Variants in PIEZO2 observed in about 807,000 individuals in gnomAD.
PIEZO2 encodes piezo-type mechanosensitive ion channel component 2.
In PIEZO2, 172 loss-of-function variants were observed where a neutral mutation model predicts 337.3. That is an observed-to-expected ratio of 0.51 (90% CI 0.45 to 0.58). PIEZO2 has a LOEUF of 0.58. Among genes scored for constraint, PIEZO2 ranks in the 20% least tolerant of loss-of-function variants. The pLI is 0.00. For synonymous variants in PIEZO2, 1,251 were observed against 1,228.5 expected, an observed-to-expected ratio of 1.02 and a Z score of -0.38; for missense variants, 3,028 against 3,391.3, an observed-to-expected ratio of 0.89 and a Z score of 2.66.
intron 2 of PIEZO2, among the ~76,000 whole-genome samples, chr18:11,030,081 T>C (rs2036676635): frequency 6.6e-6 from 1 of 152,214 alleles, no homozygotes; most frequent in Non-Finnish European, 1.5e-5. Context: ...TTAATGCTTC[T>C]CATACTATGA....
intron 2 of PIEZO2, among the ~76,000 whole-genome samples, chr18:11,049,849 A>G (rs911457993): frequency 1.2e-4 from 18 of 152,258 alleles, no homozygotes; most frequent in African/African-American, 4.3e-4. Context: ...TTTATAAATT[A>G]CCCAGTTTCA....
In PIEZO2 at chr18:11,016,993, G is replaced by A. The variant is rs2036138127; in HGVS notation, c.161-37333C>T. The stretch of plus-strand genomic sequence containing the variant: ...GCACAGGATTGAAGGGTCAGGGTTA[G>A]AAACAGTCTCAGGTGGAAGAACCAG... On this transcript the variant is annotated intron_variant, in intron 2 of 55. Transcript: ENST00000674853. This position sits in a 1 kb window ranked among gnomAD's most constrained non-coding sequence, Gnocchi z 5.6. Among the ~76,000 whole-genome samples the A allele has an allele frequency of 6.6e-6, 1 of 152,328 alleles. No individual in the cohort carries two copies. Among genetic ancestry groups the A allele is most frequent in the African/African-American group, 2.4e-5 (1 of 41,564 alleles).
chr18:10,866,065 G>C (rs766974567), intron 5 of PIEZO2, among the ~76,000 whole-genome samples: 1 of 152,148 alleles, frequency 6.6e-6, no homozygotes, highest in Admixed American at 6.5e-5. Flanking sequence ...CTTTGAAAAA[G>C]GCAGAGAAGA....
intron 3 of PIEZO2, among the ~76,000 whole-genome samples, chr18:10,944,707 T>A (rs1555680362): frequency 6.6e-6 from 1 of 151,826 alleles, no homozygotes; most frequent in Non-Finnish European, 1.5e-5. Context: ...AAATAATATC[T>A]TGAAATTGAT....
rs1348952458 is a variant in PIEZO2 at position 10,861,756 on chromosome 18, G to A, written c.493-4545C>T. ...TAGTTGGCCGGGCACAGTGGTTCATGCCTATAATCCCAGCACCTTGGGAAG... is the reference window on the plus strand; with the variant it reads ...TAGTTGGCCGGGCACAGTGGTTCATACCTATAATCCCAGCACCTTGGGAAG... On this transcript the variant is annotated intron_variant, in intron 5 of 55. Transcript: ENST00000674853. This position sits in a 1 kb window ranked among gnomAD's most constrained non-coding sequence, Gnocchi z 4.3. Among the ~76,000 whole-genome samples the A allele has an allele frequency of 6.6e-6, 1 of 152,242 alleles. No individual in the cohort carries two copies. Among genetic ancestry groups the A allele is most frequent in the East Asian group, 1.9e-4 (1 of 5,194 alleles).
chr18:10,723,972 G>A (rs524264), intron 36 of PIEZO2, among the ~76,000 whole-genome samples: 13,437 of 152,214 alleles, frequency 0.088, 1,097 homozygotes, highest in East Asian at 0.26. Context: ...GTAAAGCCAG[G>A]TGGGTGGGCA....
intron 2 of PIEZO2, among the ~76,000 whole-genome samples, chr18:11,043,428 T>C (rs550290381): frequency 6.6e-6 from 1 of 152,330 alleles, no homozygotes; most frequent in Non-Finnish European, 1.5e-5. Flanking sequence ...TTGTTGTATG[T>C]CTGAAATTCA....
intron 2 of PIEZO2, among the ~76,000 whole-genome samples, chr18:11,051,706 C>T (rs964862620): frequency 5.9e-5 from 9 of 152,292 alleles, no homozygotes; most frequent in African/African-American, 1.4e-4. Context: ...TCTCAGACTG[C>T]GGCCACTTTA....
intron 3 of PIEZO2, among the ~76,000 whole-genome samples, chr18:10,938,101 C>T (rs2032506535): frequency 1.3e-5 from 2 of 152,082 alleles, no homozygotes; most frequent in African/African-American, 2.4e-5. Context: ...GATTCAATTC[C>T]ACTCTAATTC....
chr18:10,726,333 C>T lies in PIEZO2; in HGVS notation c.5029+5074G>A, dbSNP rs1321489271. The T allele has an allele frequency of 2.1e-6, 3 of 1,448,884 alleles. No homozygotes were observed. The African/African-American group carries it at 4.3e-5, about 21-fold the overall frequency. The allele number at this position is 1,448,884 out of a possible 1,614,324, so 89.8% of individuals were successfully genotyped here. On this transcript the variant is annotated intron_variant, in intron 36 of 55. Transcript: ENST00000674853. The surrounding 1 kb of genome is among the most constrained non-coding windows in gnomAD (Gnocchi z 5.9). Reference sequence around the variant, plus strand: ...GGAGCAGGTGGGTCCCCGAACGCCCCGCCCAGCGCTGCCTCCCTTCGCCTT... The same window carrying T: ...GGAGCAGGTGGGTCCCCGAACGCCCTGCCCAGCGCTGCCTCCCTTCGCCTT...
chr18:11,116,580 TGGC>T lies in PIEZO2; in HGVS notation c.64+31942_64+31944del, dbSNP rs1269933703. 3.3e-5 allele frequency among the ~76,000 whole-genome samples: 5 copies of T among 151,792 alleles called. No homozygotes were observed. The highest frequency in any genetic ancestry group is 4.4e-5 in the Non-Finnish European group (3 of 67,974). On this transcript the variant is annotated intron_variant, in intron 1 of 55. Coordinates refer to ENST00000674853, the MANE Select transcript of PIEZO2 (RefSeq NM_001378183.1). This position sits in a 1 kb window ranked among gnomAD's most constrained non-coding sequence, Gnocchi z 5.0. ...AAATTAAAAAATTAGCCGGGCGTGG[TGGC>T]GGGGGGCCTGTAGTCCCAGCTACTC...
chr18:10,696,463 C>T lies in PIEZO2; in HGVS notation c.6904G>A (p.Val2302Met), dbSNP rs777643703. Residue 2302 changes from valine (V) to methionine (M), a missense_variant, in exon 46 of 56, where the codon GTG becomes ATG. Coordinates refer to ENST00000674853, the MANE Select transcript of PIEZO2 (RefSeq NM_001378183.1). The part of the protein sequence containing the change: ...IHPEYSAVTD[V>M]YVLMFLADTV... ...TCAGCCAGGAACATGAGTACATACA[C>T]GTCAGTCACGGCGCTATACTCCGGG... 2.5e-6 allele frequency: 4 copies of T among 1,614,200 alleles called. No individual in the cohort carries two copies. Among genetic ancestry groups the T allele is most frequent in the Non-Finnish European group, 3.4e-6 (4 of 1,180,028 alleles).
intron 30 of PIEZO2, among the ~76,000 whole-genome samples, chr18:10,747,979 C>A (rs2037493913): frequency 6.6e-6 from 1 of 151,980 alleles, no homozygotes; most frequent in South Asian, 2.1e-4. Context: ...TTTATTACCT[C>A]TCCCCAGTCT....
At position 10,859,057 on chromosome 18, in the gene PIEZO2, C is replaced by T. The variant is rs1416544922; in HGVS notation, c.493-1846G>A. ...AAATATCTCACAGTAATGAATGCCC[C>T]CTTCAGGGAGGTCGAATAGGGTGAT... On this transcript the variant is annotated intron_variant, in intron 5 of 55. Coordinates refer to ENST00000674853, the MANE Select transcript of PIEZO2 (RefSeq NM_001378183.1). This position sits in a 1 kb window ranked among gnomAD's most constrained non-coding sequence, Gnocchi z 4.9. 2.0e-5 allele frequency among the ~76,000 whole-genome samples: 3 copies of T among 152,088 alleles called. No homozygotes were observed. The highest frequency in any genetic ancestry group is 7.2e-5 in the African/African-American group (3 of 41,402).
chr18:10,755,525 G>T lies in PIEZO2; in HGVS notation c.3923+2444C>A, dbSNP rs186301045. Among the ~76,000 whole-genome samples the T allele has an allele frequency of 1.3e-3, 205 of 152,314 alleles. 3 individuals carry two copies. Among genetic ancestry groups the T allele is most frequent in the African/African-American group, 4.7e-3 (194 of 41,556 alleles). On this transcript the variant is annotated intron_variant, in intron 27 of 55. Coordinates refer to ENST00000674853, the MANE Select transcript of PIEZO2 (RefSeq NM_001378183.1). ...CTGACTGCAGAGGCACAGTGGGCCT[G>T]CCCTCCATGAAGTGGGCCTTGGGTG...
intron 4 of PIEZO2, among the ~76,000 whole-genome samples, chr18:10,884,456 C>G (rs2042514733): frequency 6.6e-6 from 1 of 152,134 alleles, no homozygotes; most frequent in African/African-American, 2.4e-5. Flanking sequence ...TCCTCAAATC[C>G]TTTATGTATG....
intron 21 of PIEZO2, among the ~76,000 whole-genome samples, chr18:10,764,183 T>C (rs139725933): frequency 5.3e-5 from 8 of 152,336 alleles, no homozygotes; most frequent in African/African-American, 1.7e-4. Flanking sequence ...AAACGCTCAT[T>C]TATTCTGCAT....
At chr18:10,981,611 G>C (rs1482694605) in intron 2 of PIEZO2, among the ~76,000 whole-genome samples, 4 of 152,168 alleles carry the variant, frequency 2.6e-5, no homozygotes, top group Admixed American at 1.3e-4. Flanking sequence ...GTGTCAACTT[G>C]ATTGGATTGA....
At chr18:11,023,636 G>A (rs925977694) in intron 2 of PIEZO2, among the ~76,000 whole-genome samples, 4 of 152,254 alleles carry the variant, frequency 2.6e-5, no homozygotes, top group South Asian at 2.1e-4. Context: ...TGCCAGTCCC[G>A]TGCCGTGTGC....
Sources: gnomAD v4.1 joint callset for allele counts (sites outside exome capture counted in the v4.1 genomes callset) on GRCh38, gnomAD v4.1.1 for gene constraint, Gnocchi (gnomAD v3.1) non-coding constraint, MANE v1.5 for transcripts, NCBI Gene and HGNC (gene_info 2026-07-23, HGNC 2026-07-21) for gene names.